The following ASAP2 variants were observed in gnomAD, a reference collection of about 807,000 sequenced individuals.
ASAP2 encodes arf-GAP with SH3 domain, ANK repeat and PH domain-containing protein 2.
In ASAP2, 45 loss-of-function variants were observed where a neutral mutation model predicts 131.4. The ratio of observed to expected loss-of-function variants is 0.34; its 90% CI spans 0.27 to 0.44. The LOEUF is 0.44. Ranked by LOEUF, ASAP2 falls within the 20% of genes least tolerant of loss-of-function variation. The pLI is 1.00. For missense variants in ASAP2, 1,011 were observed against 1,297.0 expected (o/e 0.78, Z 3.39); for synonymous variants, 510 against 503.0 (o/e 1.01, Z -0.19).
chr2:9,269,418 G>T (rs1181123968), intron 1 of ASAP2, among the ~76,000 whole-genome samples: 1 of 152,220 alleles, frequency 6.6e-6, no homozygotes, highest in African/African-American at 2.4e-5. Context: ...CCCTGAGCCA[G>T]GTCATCTCCT....
At chr2:9,318,284 A>G (rs1031070295) in intron 3 of ASAP2, among the ~76,000 whole-genome samples, 1 of 152,222 alleles carries the variant, frequency 6.6e-6, no homozygotes, top group Non-Finnish European at 1.5e-5. Flanking sequence ...TTCTAGCATA[A>G]CAATATAAGA....
intron 1 of ASAP2, among the ~76,000 whole-genome samples, chr2:9,250,669 G>A (rs1169450494): frequency 6.6e-6 from 1 of 152,252 alleles, no homozygotes; most frequent in African/African-American, 2.4e-5. Flanking sequence ...AGCACCCAGA[G>A]AGGAACAGGA....
intron 15 of ASAP2, among the ~76,000 whole-genome samples, chr2:9,359,698 A>G (rs912497905): frequency 2.0e-5 from 3 of 152,238 alleles, no homozygotes; most frequent in Non-Finnish European, 4.4e-5. Flanking sequence ...CAGAAAATCA[A>G]TAGTTGTGGA....
chr2:9,304,542 A>G (rs1668704186), intron 3 of ASAP2, among the ~76,000 whole-genome samples: 2 of 137,362 alleles, frequency 1.5e-5, no homozygotes, highest in South Asian at 2.5e-4. Context: ...CATAGGTGGG[A>G]GGGCTGCAGT....
At chr2:9,358,978 TA>T in intron 15 of ASAP2, 89 bp downstream of exon 15, 1 of 1,445,604 alleles carries the variant, frequency 6.9e-7, no homozygotes, top group African/African-American at 1.4e-5. Flanking sequence ...TTTGGTAAGC[TA>T]GTGGTTGTTG....
At chr2:9,295,881 A>T (rs1263721426) in intron 2 of ASAP2, among the ~76,000 whole-genome samples, 1 of 152,170 alleles carries the variant, frequency 6.6e-6, no homozygotes, top group East Asian at 1.9e-4. Flanking sequence ...CCCCCATAGG[A>T]TGGGTGAGCA....
intron 2 of ASAP2, among the ~76,000 whole-genome samples, chr2:9,284,672 G>A (rs1240007533): frequency 6.6e-6 from 1 of 152,220 alleles, no homozygotes; most frequent in African/African-American, 2.4e-5. Flanking sequence ...TGACAGCTGT[G>A]ACATACCTCC....
intron 25 of ASAP2, among the ~76,000 whole-genome samples, chr2:9,400,279 T>TC (rs1558405999): frequency 0.03 from 752 of 25,336 alleles, 2 homozygotes; most frequent in Non-Finnish European, 0.042. Context: ...TCTCCTTCCT[T>TC]CCCTCCTTCC....
intron 1 of ASAP2, among the ~76,000 whole-genome samples, chr2:9,270,851 G>C: frequency 7.1e-6 from 1 of 141,826 alleles, no homozygotes; most frequent in African/African-American, 2.7e-5. Context: ...GGAGTGCAGT[G>C]GCGCGATCTC....
At chr2:9,228,249 G>A (rs1299797013) in intron 1 of ASAP2, among the ~76,000 whole-genome samples, 1 of 152,140 alleles carries the variant, frequency 6.6e-6, no homozygotes, top group African/African-American at 2.4e-5. Context: ...CCTTTTGAGA[G>A]AATCATATCT....
intron 18 of ASAP2, among the ~76,000 whole-genome samples, chr2:9,378,043 G>A (rs1402204941): frequency 6.6e-6 from 1 of 152,170 alleles, no homozygotes; most frequent in African/African-American, 2.4e-5. Context: ...TTCCAGAGTG[G>A]AAGGAGGACA....
At chr2:9,318,243 C>G (rs139347518) in intron 3 of ASAP2, among the ~76,000 whole-genome samples, 202 of 152,256 alleles carry the variant, frequency 1.3e-3, no homozygotes, top group African/African-American at 4.7e-3. Context: ...AATATTTTTT[C>G]TTCACTGCAA....
rs1179297493 is a variant in ASAP2, at chr2:9,254,230, A to T, written c.127-25087A>T. 2.6e-3 allele frequency among the ~76,000 whole-genome samples: 173 copies of T among 67,198 alleles called. 2 individuals are homozygous for T. The highest frequency in any genetic ancestry group is 3.7e-3 in the South Asian group (9 of 2,402). The allele number at this position is 67,198 out of a possible 152,430, so 44.1% of individuals were successfully genotyped here. ...TCTCAAAAAAAAAAAAAAAAAAAAA[A>T]AAAAAAATATATATATATATATATA... On this transcript the variant is annotated intron_variant, in intron 1 of 27. Coordinates refer to ENST00000281419, the MANE Select transcript of ASAP2 (RefSeq NM_003887.3).
At chr2:9,249,559 T>C (rs917661810) in intron 1 of ASAP2, among the ~76,000 whole-genome samples, 12 of 152,190 alleles carry the variant, frequency 7.9e-5, no homozygotes, top group Admixed American at 7.9e-4. Context: ...TGATGTCCTG[T>C]GAATAATTCC....
chr2:9,284,911 C>T (rs1667370637), intron 2 of ASAP2, among the ~76,000 whole-genome samples: 1 of 152,144 alleles, frequency 6.6e-6, no homozygotes, highest in Non-Finnish European at 1.5e-5. Flanking sequence ...ATTTAAGATG[C>T]CTTACAATGG....
chr2:9,260,113 A>G (rs1019705776), intron 1 of ASAP2, among the ~76,000 whole-genome samples: 14 of 152,178 alleles, frequency 9.2e-5, no homozygotes, highest in African/African-American at 3.1e-4. Flanking sequence ...TCCTCCACCA[A>G]CCTGGGGACT....
At position 9,344,736 on chromosome 2, in the gene ASAP2, G is replaced by A. The variant is rs1209147766; in HGVS notation, c.959G>A (p.Arg320Gln). ...TTCTCCCACTTATCCACAAGGATCC[G>A]AAAAGTGTGGCAGAAAAGGAAATGT... The part of the protein sequence containing the change: ...GSLYKKSDGI[R>Q]KVWQKRKCSV... The change falls in exon 11 of 28, where the codon CGA becomes CAA. Residue 320 changes from arginine to glutamine, a missense_variant. This residue lies in a region of ASAP2 where 359 missense variants were observed against 598.1 expected (regional missense o/e 0.60). Transcript: ENST00000281419. 5 of 1,614,130 alleles carry A rather than the reference G, an allele frequency of 3.1e-6. No homozygotes were observed. Among genetic ancestry groups the A allele is most frequent in the Non-Finnish European group, 4.2e-6 (5 of 1,179,982 alleles).
chr2:9,356,482 C>T, intron 14 of ASAP2, 137 bp downstream of exon 14: 1 of 1,053,106 alleles, frequency 9.5e-7, no homozygotes, highest in Non-Finnish European at 1.3e-6. Context: ...CATCCCATTA[C>T]ACAAATGCTT....
chr2:9,274,319 C>CTTTT (rs57798948), intron 1 of ASAP2, among the ~76,000 whole-genome samples: 85 of 106,748 alleles, frequency 8.0e-4, no homozygotes, highest in African/African-American at 1.8e-3. Context: ...AGCATTCAAT[C>CTTTT]TTTTTTTTTT....
Sources: gnomAD v4.1 joint callset for allele counts (sites outside exome capture counted in the v4.1 genomes callset) on GRCh38, gnomAD v4.1.1 for gene constraint, gnomAD v4.1.1 regional missense constraint, MANE v1.5 for transcripts, NCBI Gene and HGNC (gene_info 2026-07-23, HGNC 2026-07-21) for gene names.